The following ARHGEF7 variants were observed in gnomAD, a reference collection of about 807,000 sequenced individuals.
ARHGEF7 encodes PAK-interacting exchange factor beta.
ARHGEF7 carries 33 observed loss-of-function variants against 109.8 expected under a neutral mutation model. The ratio of observed to expected loss-of-function variants is 0.30; its 90% CI spans 0.23 to 0.40. The LOEUF is 0.40. ARHGEF7 is among the 10% of genes least tolerant of loss of function. The pLI, the probability that ARHGEF7 is intolerant of heterozygous loss-of-function variation, is 1.00. For synonymous variants in ARHGEF7, 458 were observed against 424.6 expected (o/e 1.08, Z -0.97); for missense variants, 938 against 1,098.5 (o/e 0.85, Z 2.07).
chr13:111,206,314 G>A (rs1461661658), intron 3 of ARHGEF7, among the ~76,000 whole-genome samples: 4 of 151,916 alleles, frequency 2.6e-5, no homozygotes, highest in Non-Finnish European at 5.9e-5. Flanking sequence ...CCTGGCTCCC[G>A]GAGGCTTCAT....
chr13:111,293,256 A>G (rs1595595504), intron 19 of ARHGEF7: 1 of 985,156 alleles, frequency 1.0e-6, no homozygotes, highest in African/African-American at 1.7e-5. Context: ...CCGGCTCCCC[A>G]CCCCTGACAT....
At chr13:111,259,553 G>T (rs1415457597) in intron 8 of ARHGEF7, among the ~76,000 whole-genome samples, 1 of 152,184 alleles carries the variant, frequency 6.6e-6, no homozygotes, top group Non-Finnish European at 1.5e-5. Context: ...CGTGTGGGGT[G>T]CCCCAATTTA....
chr13:111,262,382 C>G (rs1366615371), intron 8 of ARHGEF7, among the ~76,000 whole-genome samples: 1 of 152,128 alleles, frequency 6.6e-6, no homozygotes, highest in South Asian at 2.1e-4. Context: ...CATGTGGTTA[C>G]AGGGGCCCCG....
At chr13:111,122,292 G>A (rs1048562571) in intron 1 of ARHGEF7, among the ~76,000 whole-genome samples, 3 of 152,172 alleles carry the variant, frequency 2.0e-5, no homozygotes, top group Non-Finnish European at 4.4e-5. Context: ...CAGCAGGGCC[G>A]GGAGTCAGAG....
intron 1 of ARHGEF7, among the ~76,000 whole-genome samples, chr13:111,122,900 C>T (rs766789201): frequency 3.3e-5 from 5 of 152,142 alleles, no homozygotes; most frequent in Non-Finnish European, 7.3e-5. Context: ...TTGGGAGAAC[C>T]GTTCACACTG....
Position 111,283,197 on chromosome 13 carries a change from T to A in ARHGEF7, c.1784T>A (p.Leu595Gln). ...CACGCAGACAGCAAGCCCGCGCCGCTGACGCCCGCCTACCACACGCTGCCC... is the reference window on the plus strand; with the variant it reads ...CACGCAGACAGCAAGCCCGCGCCGCAGACGCCCGCCTACCACACGCTGCCC... The part of the protein sequence containing the change: ...SKHADSKPAP[L>Q]TPAYHTLPHP... Residue 595 changes from leucine (L) to glutamine (Q), a missense_variant, in exon 16 of 22, where the codon CTG (leucine) becomes CAG (glutamine). By Grantham distance (113) the Leu-to-Gln change is moderately radical. Transcript: ENST00000646102. The A allele has an allele frequency of 6.3e-7, 1 of 1,596,760 alleles. No homozygotes were observed. The highest frequency in any genetic ancestry group is 8.5e-7 in the Non-Finnish European group (1 of 1,173,080).
chr13:111,166,485 A>G (rs4773330), intron 2 of ARHGEF7, among the ~76,000 whole-genome samples: 132,640 of 152,260 alleles, frequency 0.87, 57,853 homozygotes, highest in South Asian at 0.94. Flanking sequence ...ACCAAAGAGG[A>G]CAGGATGGCA....
At chr13:111,115,246 C>A, upstream of ARHGEF7, 1 of 147,686 alleles carries the variant, frequency 6.8e-6, no homozygotes, top group South Asian at 1.9e-4. Flanking sequence ...CCGCGTCTTT[C>A]TTCTCCTGGC....
chr13:111,138,088 A>G (rs2075168410), intron 1 of ARHGEF7, among the ~76,000 whole-genome samples: 1 of 152,020 alleles, frequency 6.6e-6, no homozygotes, highest in African/African-American at 2.4e-5. Context: ...CTGAGGCAGG[A>G]AGATCACTTG....
chr13:111,266,734 A>C lies in ARHGEF7; in HGVS notation c.951-814A>C. 2.2e-6 allele frequency: 1 copy of C among 446,568 alleles called. No homozygotes were observed. The allele number at this position is 446,568 out of a possible 1,614,324, so 27.7% of individuals were successfully genotyped here. Reference sequence around the variant, plus strand: ...CCCATTCCCTAGGTAGGAGGATGTAATCCTTCTGGTAATATTGTGGGTATC... The same window carrying C: ...CCCATTCCCTAGGTAGGAGGATGTACTCCTTCTGGTAATATTGTGGGTATC... On this transcript the variant is annotated intron_variant, in intron 8 of 21. Transcript: ENST00000646102. This position sits in a 1 kb window ranked among gnomAD's most constrained non-coding sequence, Gnocchi z 4.8.
intron 1 of ARHGEF7, among the ~76,000 whole-genome samples, chr13:111,147,047 G>GC (rs1481526609): frequency 1.3e-5 from 2 of 152,134 alleles, no homozygotes; most frequent in African/African-American, 4.8e-5. Context: ...CAGAGTTGTT[G>GC]GTCACTTGAG....
chr13:111,286,211 C>A lies in ARHGEF7; in HGVS notation c.2015C>A (p.Pro672His), dbSNP rs1219832272. ...LLPKRKPERK[P>H]SDEEFASRKS... is the part of the protein sequence containing the mutation. ...CCCAAGCGCAAACCTGAACGGAAGC[C>A]TTCAGATGAGGAGTTCGCGTCCCGG... is the stretch of plus-strand genomic sequence containing the variant. Residue 672 changes from proline (P) to histidine (H), a missense_variant, in exon 17 of 22, where the codon CCT (proline) becomes CAT (histidine). By Grantham distance (77) the Pro-to-His change is moderately conservative. Coordinates refer to ENST00000646102, the MANE Select transcript of ARHGEF7 (RefSeq NM_001354046.2). 6.2e-7 allele frequency: 1 copy of A among 1,614,014 alleles called. No individual in the cohort carries two copies. The highest frequency in any genetic ancestry group is 1.1e-5 in the South Asian group (1 of 91,058).
chr13:111,262,141 A>G (rs995369185), intron 8 of ARHGEF7, among the ~76,000 whole-genome samples: 20 of 152,238 alleles, frequency 1.3e-4, no homozygotes, highest in African/African-American at 4.8e-4. Flanking sequence ...AATATTACAA[A>G]AGATCGATGA....
intron 5 of ARHGEF7, among the ~76,000 whole-genome samples, chr13:111,229,574 C>T (rs2085736558): frequency 6.6e-6 from 1 of 152,154 alleles, no homozygotes; most frequent in African/African-American, 2.4e-5. Flanking sequence ...CCTCTTATTT[C>T]TACTTTGGGG....
chr13:111,244,044 A>T, intron 7 of ARHGEF7, 78 bp downstream of exon 7: 1 of 1,343,076 alleles, frequency 7.4e-7, no homozygotes, highest in Non-Finnish European at 1.0e-6. Context: ...CAGAGAATAG[A>T]GGGTTAAATA....
chr13:111,264,986 TG>T (rs1309529881), intron 8 of ARHGEF7, among the ~76,000 whole-genome samples: 2 of 152,012 alleles, frequency 1.3e-5, no homozygotes, highest in Non-Finnish European at 2.9e-5. Context: ...CAGCTGGGCA[TG>T]GTGGTGCATG....
chr13:111,206,237 G>T (rs72653510), intron 3 of ARHGEF7, among the ~76,000 whole-genome samples: 4 of 151,726 alleles, frequency 2.6e-5, no homozygotes, highest in Non-Finnish European at 4.4e-5. Flanking sequence ...CTTCAGAGGG[G>T]GGGGTGTACT....
At chr13:111,203,224 A>T (rs567886744) in intron 2 of ARHGEF7, 1 of 583,670 alleles carries the variant, frequency 1.7e-6, no homozygotes, top group Non-Finnish European at 2.5e-6. Context: ...TAGAGCTGAA[A>T]GACATTCAGA....
intron 2 of ARHGEF7, among the ~76,000 whole-genome samples, chr13:111,197,489 C>T (rs1322370978): frequency 6.6e-6 from 1 of 152,168 alleles, no homozygotes; most frequent in Non-Finnish European, 1.5e-5. Context: ...GTTAAGAGTC[C>T]TAAGCGTTCT....
Sources: gnomAD v4.1 joint callset for allele counts (sites outside exome capture counted in the v4.1 genomes callset) on GRCh38, gnomAD v4.1.1 for gene constraint, Gnocchi (gnomAD v3.1) non-coding constraint, MANE v1.5 for transcripts, NCBI Gene and HGNC (gene_info 2026-07-23, HGNC 2026-07-21) for gene names.